The following PLCE1 variants were observed in gnomAD, a reference collection of about 807,000 sequenced individuals.
PLCE1 encodes the protein phospholipase C epsilon 1.
Under a neutral mutation model 242.8 loss-of-function variants are expected in PLCE1, and 119 were observed. The ratio of observed to expected loss-of-function variants is 0.49; its 90% CI spans 0.42 to 0.57. The LOEUF is 0.57. Ranked by LOEUF, PLCE1 falls within the 20% of genes least tolerant of loss-of-function variation. The pLI is 0.00. For synonymous variants in PLCE1, 945 were observed against 1,017.4 expected, an observed-to-expected ratio of 0.93 and a Z score of 1.35; for missense variants, 2,441 against 2,788.8, an observed-to-expected ratio of 0.88 and a Z score of 2.81.
chr10:94,220,189 TACATACACACAC>T (rs1179571232), intron 4 of PLCE1, among the ~76,000 whole-genome samples: 106 of 149,916 alleles, frequency 7.1e-4, no homozygotes, highest in Non-Finnish European at 5.8e-4. Flanking sequence ...CATACATACA[TACATACACACAC>T]ACATACACAC....
At chr10:94,207,366 G>T (rs1160749984) in intron 4 of PLCE1, among the ~76,000 whole-genome samples, 1 of 152,172 alleles carries the variant, frequency 6.6e-6, no homozygotes, top group South Asian at 2.1e-4. Context: ...ACAAAAGCCA[G>T]GTTTCTCACG....
intron 4 of PLCE1, among the ~76,000 whole-genome samples, chr10:94,178,214 C>T (rs867987922): frequency 6.6e-6 from 1 of 152,132 alleles, no homozygotes. Flanking sequence ...GGGCCATAAG[C>T]AGGTTCACTT....
chr10:94,147,136 G>A (rs1473617948), intron 3 of PLCE1, among the ~76,000 whole-genome samples: 2 of 151,970 alleles, frequency 1.3e-5, no homozygotes, highest in South Asian at 2.1e-4. Flanking sequence ...AGTTGAGGAG[G>A]CAGGGCCGGG....
In PLCE1 at chr10:94,219,778, T is replaced by TA. The variant is rs376348890; in HGVS notation, c.1810-7522dup. Among the ~76,000 whole-genome samples, 901 of 152,226 alleles carry TA rather than the reference T, an allele frequency of 5.9e-3. 5 individuals carry two copies. Among genetic ancestry groups the TA allele is most frequent in the African/African-American group, 0.018 (733 of 41,530 alleles). ...TATCTGGATAAGTGGCAGGTAACAG[T>TA]AAAAAATTAATACTGGAGACGTAAA... On this transcript the variant is annotated intron_variant, in intron 4 of 32. Coordinates refer to ENST00000371380, the MANE Select transcript of PLCE1 (RefSeq NM_016341.4).
chr10:94,073,894 A>G (rs1159898280), intron 2 of PLCE1, among the ~76,000 whole-genome samples: 1 of 152,204 alleles, frequency 6.6e-6, no homozygotes, highest in Non-Finnish European at 1.5e-5. Flanking sequence ...GGGTGTTTAT[A>G]TAGCACAGAA....
chr10:94,195,263 A>G (rs528688753), intron 4 of PLCE1, among the ~76,000 whole-genome samples: 19 of 152,234 alleles, frequency 1.2e-4, no homozygotes, highest in Admixed American at 9.8e-4. Context: ...CAAGACTGTC[A>G]TCATCTCCTC....
At chr10:94,283,065 G>T (rs2052302142) in intron 20 of PLCE1, 1 of 152,070 alleles carries the variant, frequency 6.6e-6, no homozygotes. Context: ...TGAGAAATTA[G>T]CTTTCTTGTT....
chr10:94,307,175 C>T (rs1282443764), intron 26 of PLCE1, among the ~76,000 whole-genome samples: 1 of 152,128 alleles, frequency 6.6e-6, no homozygotes, highest in Non-Finnish European at 1.5e-5. Flanking sequence ...TGTAGATTGG[C>T]TTTGTTGTGG....
At chr10:94,152,531 T>G (rs2047307109) in intron 3 of PLCE1, among the ~76,000 whole-genome samples, 1 of 152,232 alleles carries the variant, frequency 6.6e-6, no homozygotes, top group Non-Finnish European at 1.5e-5. Context: ...GCCTGGGCTT[T>G]GGAGTCACCT....
chr10:94,227,414 A>G lies in PLCE1; in HGVS notation c.1918A>G (p.Asn640Asp), dbSNP rs1285314783. 6.2e-7 allele frequency: 1 copy of G among 1,614,072 alleles called. No individual in the cohort carries two copies. Among genetic ancestry groups the G allele is most frequent in the Admixed American group, 1.7e-5 (1 of 60,010 alleles). The change falls in exon 5 of 33, where the codon AAC becomes GAC. Residue 640 changes from asparagine to aspartate, a missense_variant. By Grantham distance (23) the Asn-to-Asp change is conservative (BLOSUM62 1). This residue lies in a region of PLCE1 where 733 missense variants were observed against 754.2 expected (regional missense o/e 0.97). Coordinates refer to ENST00000371380, the MANE Select transcript of PLCE1 (RefSeq NM_016341.4). ...HVAKCCWNMG[N>D]YNAVMEFLAG... The stretch of plus-strand genomic sequence containing the variant: ...GGCCAAATGCTGCTGGAACATGGGC[A>G]ACTACAACGCTGTCATGGAGTTCTT...
intron 3 of PLCE1, among the ~76,000 whole-genome samples, chr10:94,163,462 G>C (rs2047685772): frequency 6.6e-6 from 1 of 152,090 alleles, no homozygotes; most frequent in Non-Finnish European, 1.5e-5. Flanking sequence ...TGTTTTATCA[G>C]AGACTAGGAT....
At chr10:94,271,306 CTTTTTTTTTTTTT>C (rs35048796) in intron 18 of PLCE1, among the ~76,000 whole-genome samples, 2 of 73,264 alleles carry the variant, frequency 2.7e-5, no homozygotes, top group Non-Finnish European at 5.1e-5. Context: ...AGAAGATCAT[CTTTTTTTTTTTTT>C]TTTTTTTTTT....
chr10:94,044,061 C>T (rs1252962004), intron 2 of PLCE1, among the ~76,000 whole-genome samples: 1 of 152,174 alleles, frequency 6.6e-6, no homozygotes, highest in Non-Finnish European at 1.5e-5. Context: ...AAATGAATGA[C>T]TTGCTAGTGG....
At chr10:94,082,882 C>T (rs890467467) in intron 2 of PLCE1, among the ~76,000 whole-genome samples, 4 of 152,116 alleles carry the variant, frequency 2.6e-5, no homozygotes, top group African/African-American at 9.7e-5. Flanking sequence ...TGTAGAAAAA[C>T]CAATGGCAAA....
At chr10:94,004,214 G>A (rs780824234) in intron 1 of PLCE1, among the ~76,000 whole-genome samples, 4 of 152,102 alleles carry the variant, frequency 2.6e-5, no homozygotes, top group Non-Finnish European at 5.9e-5. Flanking sequence ...AGGCAGAATT[G>A]GAACTCTATT....
At chr10:94,176,475 TA>T (rs1262588317) in intron 4 of PLCE1, among the ~76,000 whole-genome samples, 4 of 152,168 alleles carry the variant, frequency 2.6e-5, no homozygotes, top group African/African-American at 4.8e-5. Flanking sequence ...ACATATTTTT[TA>T]AAAATAAGAA....
At chr10:94,252,600 A>T in intron 9 of PLCE1, 102 bp downstream of exon 9, 1 of 997,258 alleles carries the variant, frequency 1.0e-6, no homozygotes, top group Non-Finnish European at 1.5e-6. Flanking sequence ...TTGAGGACAA[A>T]GTCAGGTATA....
At chr10:94,089,283 C>T (rs759793308) in intron 2 of PLCE1, 1 of 1,614,012 alleles carries the variant, frequency 6.2e-7, no homozygotes, top group Non-Finnish European at 8.5e-7. Context: ...TCTCAGCTGT[C>T]TTGAAGGTTG....
Position 94,032,011 on chromosome 10 carries a change from C to G in PLCE1, c.965C>G (p.Ser322Cys). ...GCTTTTAAAAGCAAAAAGGAGCGAT[C>G]CACTTTGTTAGTCAGGAGATTCTGT... ...EDAFKSKKER[S>C]TLLVRRFCKN... Residue 322 changes from serine (S) to cysteine (C), a missense_variant, in exon 2 of 33, where the codon TCC becomes TGC. This residue lies in a region of PLCE1 where 393 missense variants were observed against 378.5 expected (regional missense o/e 1.04). Coordinates refer to ENST00000371380, the MANE Select transcript of PLCE1 (RefSeq NM_016341.4). The G allele has an allele frequency of 6.2e-7, 1 of 1,613,772 alleles. No homozygotes were observed. Among genetic ancestry groups the G allele is most frequent in the Non-Finnish European group, 8.5e-7 (1 of 1,179,806 alleles).
Sources: gnomAD v4.1 joint callset for allele counts (sites outside exome capture counted in the v4.1 genomes callset) on GRCh38, gnomAD v4.1.1 for gene constraint, gnomAD v4.1.1 regional missense constraint, MANE v1.5 for transcripts, NCBI Gene and HGNC (gene_info 2026-07-23, HGNC 2026-07-21) for gene names.